Variants in TP53BP1 observed in about 807,000 individuals in gnomAD.
TP53BP1 encodes the protein tumor protein p53 binding protein 1, also known as TP53-binding protein 1.
TP53BP1 carries 61 observed loss-of-function variants against 200.8 expected under a neutral mutation model. The observed-to-expected ratio is 0.30, with a 90% CI of 0.25 to 0.38. The LOEUF is 0.38. Among genes scored for constraint, TP53BP1 ranks in the 10% least tolerant of loss-of-function variants. The probability of loss-of-function intolerance (pLI) is 1.00; values close to 1 mark genes in which losing one functional copy is unlikely to be tolerated. For synonymous variants in TP53BP1, 822 were observed against 844.3 expected (o/e 0.97, Z 0.46); for missense variants, 2,144 against 2,371.9 (o/e 0.90, Z 2.00).
chr15:43,460,226 C>A (rs1234469164), intron 11 of TP53BP1, among the ~76,000 whole-genome samples: 1 of 152,064 alleles, frequency 6.6e-6, no homozygotes, highest in Non-Finnish European at 1.5e-5. Flanking sequence ...AAACTCCCAA[C>A]ATAGATGGTT....
In TP53BP1 at chr15:43,491,710, ACTG is replaced by A; in HGVS notation, c.327_329del (p.Ser110del). The A allele has an allele frequency of 6.2e-7, 1 of 1,614,142 alleles. No homozygotes were observed. Among genetic ancestry groups the A allele is most frequent in the Non-Finnish European group, 8.5e-7 (1 of 1,180,010 alleles). ...GCTGAGGTAACTGCTCAATGACCTG[ACTG>A]ATGGAACCACATGTGTCCAAGTTAG... On this transcript the variant is annotated inframe_deletion, in exon 4 of 28. Transcript: ENST00000382044.
At chr15:43,482,805 C>CT (rs1336066643) in intron 4 of TP53BP1, among the ~76,000 whole-genome samples, 1 of 152,126 alleles carries the variant, frequency 6.6e-6, no homozygotes, top group African/African-American at 2.4e-5. Context: ...TGTCATGTGC[C>CT]TGTAGTCCCA....
In TP53BP1 at chr15:43,436,638, CT is replaced by C. The variant is rs757274443; in HGVS notation, c.3191+1685del. ...CACAAGCGCATGCCACCACATCCGGCTTTTTTTTTTTTCTTTTTTTTCTTGG... is the reference window on the plus strand; with the variant it reads ...CACAAGCGCATGCCACCACATCCGGCTTTTTTTTTTTCTTTTTTTTCTTGG... On this transcript the variant is annotated intron_variant, in intron 16 of 27. Coordinates refer to ENST00000382044, the MANE Select transcript of TP53BP1 (RefSeq NM_001141980.3). 5.4e-3 allele frequency among the ~76,000 whole-genome samples: 776 copies of C among 143,996 alleles called. 7 individuals carry two copies. Among genetic ancestry groups the C allele is most frequent in the African/African-American group, 0.016 (647 of 39,490 alleles). 94.5% of individuals were successfully genotyped at this position (143,996 alleles called of 152,430 possible). A position where few individuals can be genotyped will look rare whatever the true frequency, so the allele number is the denominator to read the frequency against.
chr15:43,415,962 A>T (rs1254139069), intron 22 of TP53BP1, among the ~76,000 whole-genome samples, 153 bp from the exon 23 acceptor site: 1 of 152,102 alleles, frequency 6.6e-6, no homozygotes, highest in Non-Finnish European at 1.5e-5. Context: ...CATATTTTTT[A>T]TCTAGTCTTT....
chr15:43,414,456 A>AAAGAAG (rs2045211772), intron 23 of TP53BP1, among the ~76,000 whole-genome samples: 1 of 152,216 alleles, frequency 6.6e-6, no homozygotes, highest in Non-Finnish European at 1.5e-5. Context: ...ATAGGAAACA[A>AAAGAAG]AAGAAGCTCT....
chr15:43,427,017 CAA>C (rs1230749433), intron 18 of TP53BP1, among the ~76,000 whole-genome samples: 19 of 67,652 alleles, frequency 2.8e-4, no homozygotes, highest in Admixed American at 5.3e-4. Context: ...GACTCTGCCT[CAA>C]AAAAAAAAAA....
chr15:43,412,248 C>T (rs183071076), intron 24 of TP53BP1, among the ~76,000 whole-genome samples: 1 of 152,340 alleles, frequency 6.6e-6, no homozygotes, highest in Admixed American at 6.5e-5. Context: ...GAGTCATCCA[C>T]ACACCTGAAA....
At chr15:43,468,380 A>G (rs994072904) in intron 11 of TP53BP1, among the ~76,000 whole-genome samples, 6 of 152,056 alleles carry the variant, frequency 3.9e-5, no homozygotes, top group Non-Finnish European at 1.5e-5. Flanking sequence ...CCCCGTCTCT[A>G]TAAGAAAAAT....
intron 18 of TP53BP1, among the ~76,000 whole-genome samples, chr15:43,423,633 G>A (rs2142993095): frequency 6.6e-6 from 1 of 150,382 alleles, no homozygotes; most frequent in East Asian, 2.0e-4. Flanking sequence ...ACTCCAGCCT[G>A]GACAACAGAG....
chr15:43,427,719 G>A (rs575813165), intron 18 of TP53BP1, among the ~76,000 whole-genome samples: 7 of 152,232 alleles, frequency 4.6e-5, no homozygotes, highest in African/African-American at 1.7e-4. Flanking sequence ...ACTTTGGGAG[G>A]CCAAAGCAGA....
At chr15:43,465,232 G>C (rs1388463437) in intron 11 of TP53BP1, among the ~76,000 whole-genome samples, 2 of 152,046 alleles carry the variant, frequency 1.3e-5, no homozygotes, top group African/African-American at 4.8e-5. Context: ...AAGGGCCGAG[G>C]GTAGAAGAAA....
intron 17 of TP53BP1, among the ~76,000 whole-genome samples, chr15:43,431,387 C>A (rs1035917068): frequency 6.6e-6 from 1 of 152,216 alleles, no homozygotes; most frequent in East Asian, 1.9e-4. Flanking sequence ...TTAACACATA[C>A]ATTTCTACGA....
At position 43,407,328 on chromosome 15, in the gene TP53BP1, G is replaced by C; in HGVS notation, c.*55C>G. The C allele has an allele frequency of 6.5e-7, 1 of 1,539,956 alleles. No homozygotes were observed. Among genetic ancestry groups the C allele is most frequent in the Non-Finnish European group, 8.9e-7 (1 of 1,120,692 alleles). ...ACACACAAGACACATTTAAAACCTG[G>C]TTAAAACACAATCTCCACGATAGCA... On this transcript the variant is annotated 3_prime_UTR_variant, in exon 28 of 28. Transcript: ENST00000382044.
At chr15:43,488,297 C>CAA (rs779360693) in intron 4 of TP53BP1, among the ~76,000 whole-genome samples, 4 of 101,872 alleles carry the variant, frequency 3.9e-5, no homozygotes, top group African/African-American at 1.5e-4. Context: ...GGCCCTGTCT[C>CAA]AAAAAAAAAA....
At chr15:43,481,915 A>C (rs1013814807) in intron 4 of TP53BP1, among the ~76,000 whole-genome samples, 2 of 150,962 alleles carry the variant, frequency 1.3e-5, no homozygotes, top group South Asian at 4.2e-4. Context: ...GCACAAGCAA[A>C]CTCCATATAT....
At chr15:43,419,244 C>G (rs550522293) in intron 21 of TP53BP1, among the ~76,000 whole-genome samples, 1 of 152,268 alleles carries the variant, frequency 6.6e-6, no homozygotes. Flanking sequence ...AGAAATCTGG[C>G]AAATACAACC....
At chr15:43,492,545 G>A (rs957839238) in intron 1 of TP53BP1, 77 bp from the exon 2 acceptor site, 4 of 1,214,530 alleles carry the variant, frequency 3.3e-6, no homozygotes, top group African/African-American at 3.0e-5. Flanking sequence ...AAATAATGGG[G>A]CGGAAGTACA....
intron 7 of TP53BP1, among the ~76,000 whole-genome samples, chr15:43,478,145 G>T (rs1237232451): frequency 6.6e-6 from 1 of 152,138 alleles, no homozygotes; most frequent in Admixed American, 6.6e-5. Flanking sequence ...GACATTCCAT[G>T]GAAAGCATTT....
At chr15:43,493,537 G>C (rs367971084), upstream of TP53BP1, among the ~76,000 whole-genome samples, 1 of 144,976 alleles carries the variant, frequency 6.9e-6, no homozygotes, top group Non-Finnish European at 1.5e-5. Context: ...TCTCATAACA[G>C]GGCAAAGAAG....
Sources: gnomAD v4.1 joint callset for allele counts (sites outside exome capture counted in the v4.1 genomes callset) on GRCh38, gnomAD v4.1.1 for gene constraint, MANE v1.5 for transcripts, NCBI Gene and HGNC (gene_info 2026-07-23, HGNC 2026-07-21) for gene names.